CNTNAP5: variants seen among roughly 807,000 people sequenced by gnomAD.
CNTNAP5 encodes the protein contactin-associated protein-like 5.
Under a neutral mutation model 150.2 loss-of-function variants are expected in CNTNAP5, and 72 were observed. The observed-to-expected ratio is 0.48, with a 90% CI of 0.40 to 0.58. The LOEUF is 0.58. CNTNAP5 is among the 20% of genes least tolerant of loss of function. The pLI is 0.00. For synonymous variants in CNTNAP5, 672 were observed against 619.8 expected, an observed-to-expected ratio of 1.08 and a Z score of -1.25; for missense variants, 1,636 against 1,626.2, an observed-to-expected ratio of 1.01 and a Z score of -0.10.
chr2:124,305,939 T>G (rs1372724416), intron 3 of CNTNAP5, among the ~76,000 whole-genome samples: 1 of 152,236 alleles, frequency 6.6e-6, no homozygotes, highest in Non-Finnish European at 1.5e-5. Flanking sequence ...ATTATTTGCC[T>G]ATATATGTCT....
intron 3 of CNTNAP5, among the ~76,000 whole-genome samples, chr2:124,374,573 T>C (rs7564699): frequency 0.23 from 34,925 of 152,108 alleles, 4,227 homozygotes; most frequent in Middle Eastern, 0.27. Context: ...AAAACAGAGT[T>C]GATAAAGTAT....
At chr2:124,357,263 T>C (rs1174854755) in intron 3 of CNTNAP5, among the ~76,000 whole-genome samples, 1 of 152,224 alleles carries the variant, frequency 6.6e-6, no homozygotes, top group Non-Finnish European at 1.5e-5. Context: ...GGTTGCCTGT[T>C]CACTCTGATG....
intron 2 of CNTNAP5, among the ~76,000 whole-genome samples, chr2:124,238,116 A>G (rs1686799045): frequency 6.6e-6 from 1 of 152,136 alleles, no homozygotes; most frequent in Non-Finnish European, 1.5e-5. Context: ...TTATGTTTCT[A>G]GTGAGAATTG....
At chr2:124,880,852 T>A (rs144947276) in intron 21 of CNTNAP5, among the ~76,000 whole-genome samples, 15 of 152,278 alleles carry the variant, frequency 9.9e-5, no homozygotes, top group African/African-American at 3.6e-4. Context: ...CATTTCTAGC[T>A]GAGATGACCC....
chr2:124,903,524 T>C (rs1173964810), intron 22 of CNTNAP5, among the ~76,000 whole-genome samples: 1 of 152,146 alleles, frequency 6.6e-6, no homozygotes, highest in Non-Finnish European at 1.5e-5. Flanking sequence ...TAAGAAATAA[T>C]TGACAAATAA....
rs556475353 is a variant in CNTNAP5, at chr2:124,286,292, C to T, written c.381+43899C>T. On this transcript the variant is annotated intron_variant, in intron 3 of 23. Coordinates refer to ENST00000682447, the MANE Select transcript of CNTNAP5 (RefSeq NM_001367498.1). ...TCCCTGCTGACTCATGCCTTCTCGG[C>T]GACGGCCTACTTCTTCTGCCCAGCA... Among the ~76,000 whole-genome samples, 131 of 152,226 alleles carry T rather than the reference C, an allele frequency of 8.6e-4. 1 individual carries two copies. The highest frequency in any genetic ancestry group is 6.8e-3 in the Middle Eastern group (2 of 294).
chr2:124,448,505 C>T (rs1692885151), intron 6 of CNTNAP5, among the ~76,000 whole-genome samples: 1 of 152,034 alleles, frequency 6.6e-6, no homozygotes, highest in Non-Finnish European at 1.5e-5. Context: ...AGTGAAATCC[C>T]GTTGACAGCT....
At chr2:124,766,740 A>G (rs561035912) in intron 16 of CNTNAP5, among the ~76,000 whole-genome samples, 18 of 152,334 alleles carry the variant, frequency 1.2e-4, no homozygotes, top group African/African-American at 4.1e-4. Context: ...TCATTAAAGC[A>G]GCAGCAAACG....
At chr2:124,550,285 G>T (rs542687852) in intron 10 of CNTNAP5, among the ~76,000 whole-genome samples, 1 of 152,160 alleles carries the variant, frequency 6.6e-6, no homozygotes, top group African/African-American at 2.4e-5. Context: ...TCTACAGAAT[G>T]ACTCTCTACT....
chr2:124,324,677 G>C (rs1689174774), intron 3 of CNTNAP5, among the ~76,000 whole-genome samples: 1 of 152,202 alleles, frequency 6.6e-6, no homozygotes, highest in Admixed American at 6.5e-5. Context: ...AAACAATGTG[G>C]TTAGTGCAAG....
chr2:124,802,654 A>G (rs994975226), intron 19 of CNTNAP5, among the ~76,000 whole-genome samples: 10 of 152,186 alleles, frequency 6.6e-5, no homozygotes, highest in Admixed American at 6.5e-4. Context: ...TTCTCAAGAT[A>G]CACAGGACTT....
chr2:124,864,057 T>G (rs1282295450), intron 19 of CNTNAP5, among the ~76,000 whole-genome samples: 1 of 152,122 alleles, frequency 6.6e-6, no homozygotes, highest in Non-Finnish European at 1.5e-5. Context: ...GCAAGCAGCA[T>G]GCAGTTGGGC....
rs532188235 is a variant in CNTNAP5 at position 124,644,876 on chromosome 2, G to T, written c.1877-2882G>T. 7.4e-5 allele frequency among the ~76,000 whole-genome samples: 11 copies of T among 148,750 alleles called. 1 individual carries two copies. In the South Asian group the frequency reaches 2.4e-3, roughly 33 times the overall value. On this transcript the variant is annotated intron_variant, in intron 12 of 23. Transcript: ENST00000682447. Reference sequence around the variant, plus strand: ...TTTGAAGCTAAGGGTTGTGATGTCAGTTATATATATCATATGATCACACAC... The same window carrying T: ...TTTGAAGCTAAGGGTTGTGATGTCATTTATATATATCATATGATCACACAC...
At chr2:124,105,181 C>A (rs1045925217) in intron 1 of CNTNAP5, among the ~76,000 whole-genome samples, 1 of 152,128 alleles carries the variant, frequency 6.6e-6, no homozygotes, top group Non-Finnish European at 1.5e-5. Context: ...ACACTTCATT[C>A]CTTTTGAGGA....
At chr2:124,301,619 G>A (rs1262213250) in intron 3 of CNTNAP5, among the ~76,000 whole-genome samples, 1 of 152,152 alleles carries the variant, frequency 6.6e-6, no homozygotes, top group African/African-American at 2.4e-5. Flanking sequence ...CATTCACTGT[G>A]TACTTCCTAA....
chr2:124,140,372 C>T (rs1189666665), intron 1 of CNTNAP5, among the ~76,000 whole-genome samples: 1 of 151,302 alleles, frequency 6.6e-6, no homozygotes. Context: ...GTAACCTCTG[C>T]AGACTTAAGT....
chr2:124,080,166 A>T (rs1682527965), intron 1 of CNTNAP5, among the ~76,000 whole-genome samples: 1 of 152,132 alleles, frequency 6.6e-6, no homozygotes, highest in African/African-American at 2.4e-5. Flanking sequence ...TTTTCCTTAC[A>T]TTTATTTTGT....
At chr2:124,860,501 TTCTTTCCTTCC>T (rs1201607108) in intron 19 of CNTNAP5, among the ~76,000 whole-genome samples, 51 of 71,360 alleles carry the variant, frequency 7.1e-4, no homozygotes, top group East Asian at 1.4e-3. Context: ...CCTTCCTTCC[TTCTTTCCTTCC>T]TTCCTTCCTT....
rs117939857 is a variant in CNTNAP5 at position 124,326,823 on chromosome 2, T to C, written c.381+84430T>C. ...TAAATACATACATACATACAAATAT[T>C]AGTTGGGGATGGATGCACACCCATA... On this transcript the variant is annotated intron_variant, in intron 3 of 23. Coordinates refer to ENST00000682447, the MANE Select transcript of CNTNAP5 (RefSeq NM_001367498.1). Among the ~76,000 whole-genome samples the C allele has an allele frequency of 3.9e-3, 591 of 151,886 alleles. 25 individuals carry two copies. In the East Asian group the frequency reaches 0.099, roughly 26 times the overall value.
Sources: gnomAD v4.1 joint callset for allele counts (sites outside exome capture counted in the v4.1 genomes callset) on GRCh38, gnomAD v4.1.1 for gene constraint, MANE v1.5 for transcripts, NCBI Gene and HGNC (gene_info 2026-07-23, HGNC 2026-07-21) for gene names.